The following LYRM4 variants were observed in gnomAD, a reference collection of about 807,000 sequenced individuals.
LYRM4 encodes the protein LYR motif containing 4.
A neutral mutation model predicts 11.7 loss-of-function variants in LYRM4; 9 were observed. That is an observed-to-expected ratio of 0.77 (90% confidence interval 0.46 to 1.34). The LOEUF (loss-of-function observed/expected upper bound fraction) is 1.34. LYRM4 is among the 40% of genes most tolerant of loss of function. The probability of loss-of-function intolerance (pLI) is 0.00; values close to 1 mark genes in which losing one functional copy is unlikely to be tolerated. For synonymous variants in LYRM4, 42 were observed against 40.4 expected, an observed-to-expected ratio of 1.04 and a Z score of -0.15; for missense variants, 133 against 112.5, an observed-to-expected ratio of 1.18 and a Z score of -0.82.
In LYRM4 at chr6:5,152,991, G is replaced by T. The variant is rs371681147; in HGVS notation, c.208-43500C>A. Among the ~76,000 whole-genome samples the T allele has an allele frequency of 9.8e-5, 15 of 152,336 alleles. No individual in the cohort carries two copies. The South Asian group carries it at 1.2e-3, about 13-fold the overall frequency. On this transcript the variant is annotated intron_variant, in intron 2 of 2. Coordinates refer to ENST00000330636, the MANE Select transcript of LYRM4 (RefSeq NM_020408.6). The stretch of plus-strand genomic sequence containing the variant: ...ATACTTAAGGCCGCTGGGCTTGCAG[G>T]TTCCTTAAATGAAGGCAGTACGTAC...
chr6:5,230,519 AAC>A, intron 1 of LYRM4, among the ~76,000 whole-genome samples: 1 of 152,342 alleles, frequency 6.6e-6, no homozygotes, highest in Non-Finnish European at 1.5e-5. Flanking sequence ...TAGACTACAG[AAC>A]ACAGTTTTCT....
At chr6:5,038,003 C>G in the LYRM4 span, among the ~76,000 whole-genome samples, 2 of 59,140 alleles carry the variant, frequency 3.4e-5, 1 homozygote, top group African/African-American at 9.0e-5. Flanking sequence ...CTCCTCACTT[C>G]CCAGACGGGG....
Position 5,109,332 on chromosome 6 carries a change from TTGTAAGC to T in LYRM4, c.*84_*90del. 6.3e-7 allele frequency: 1 copy of T among 1,597,786 alleles called. No individual in the cohort carries two copies. The highest frequency in any genetic ancestry group is 8.6e-7 in the Non-Finnish European group (1 of 1,168,310). On this transcript the variant is annotated 3_prime_UTR_variant, in exon 3 of 3. Coordinates refer to ENST00000330636, the MANE Select transcript of LYRM4 (RefSeq NM_020408.6). Reference sequence around the variant, plus strand: ...ACAGGACAGGCAGCGCAAAAGGCTATTGTAAGCTGGTTTTGGGAGCCCCCATCTCAAA... The same window carrying T: ...ACAGGACAGGCAGCGCAAAAGGCTATTGGTTTTGGGAGCCCCCATCTCAAA...
chr6:5,244,069 C>T (rs1223970934), intron 1 of LYRM4, among the ~76,000 whole-genome samples: 1 of 152,228 alleles, frequency 6.6e-6, no homozygotes, highest in African/African-American at 2.4e-5. Context: ...GATGGTTTGA[C>T]TTAGGATTTC....
chr6:5,176,739 G>A (rs2127672739), intron 2 of LYRM4, among the ~76,000 whole-genome samples: 1 of 152,352 alleles, frequency 6.6e-6, no homozygotes, highest in Non-Finnish European at 1.5e-5. Context: ...TTGAACACAA[G>A]GATAATGACA....
At chr6:5,099,306 G>A (rs1263602007), downstream of LYRM4, among the ~76,000 whole-genome samples, 3 of 151,446 alleles carry the variant, frequency 2.0e-5, no homozygotes, top group Admixed American at 1.3e-4. The surrounding 1 kb of genome is among the most constrained non-coding windows in gnomAD (Gnocchi z 4.3). Flanking sequence ...GGGCTCAAGC[G>A]ATCTTCCTAG....
chr6:5,247,945 T>G (rs1340618378), intron 1 of LYRM4, among the ~76,000 whole-genome samples: 3 of 152,088 alleles, frequency 2.0e-5, no homozygotes, highest in Non-Finnish European at 4.4e-5. Context: ...AAAAACTGGA[T>G]GAAAAAGAGA....
downstream of LYRM4, chr6:5,103,846 C>T (rs1021938594): frequency 2.0e-5 from 3 of 152,172 alleles, no homozygotes; most frequent in African/African-American, 7.3e-5. Flanking sequence ...CCATGTTGGC[C>T]AGGCTGGTCT....
At chr6:5,252,699 T>C (rs772483520) in intron 1 of LYRM4, among the ~76,000 whole-genome samples, 3 of 152,212 alleles carry the variant, frequency 2.0e-5, no homozygotes, top group Non-Finnish European at 4.4e-5. Context: ...TTTTGGTCAA[T>C]GAGCAAAAGC....
intron 2 of LYRM4, chr6:5,138,632 A>G (rs1156370500): frequency 9.6e-7 from 1 of 1,044,160 alleles, no homozygotes. Context: ...ATACTATGAC[A>G]TCTGTATATT....
chr6:5,147,796 TC>T (rs200109332), intron 2 of LYRM4, among the ~76,000 whole-genome samples: 228 of 93,522 alleles, frequency 2.4e-3, no homozygotes, highest in African/African-American at 6.9e-3. Context: ...ATTAGGCCCT[TC>T]TGTCTCATCG....
chr6:5,127,805 C>T (rs913685867), intron 2 of LYRM4, among the ~76,000 whole-genome samples: 2 of 152,178 alleles, frequency 1.3e-5, no homozygotes, highest in African/African-American at 4.8e-5. Flanking sequence ...ACAATGTGAT[C>T]TGTATCATCC....
the LYRM4 span, among the ~76,000 whole-genome samples, chr6:5,078,252 T>A: frequency 6.6e-6 from 1 of 151,760 alleles, no homozygotes; most frequent in African/African-American, 2.4e-5. Flanking sequence ...TTTTTTTTTT[T>A]AATCAAAAGC....
intron 1 of LYRM4, among the ~76,000 whole-genome samples, chr6:5,258,735 G>A (rs1764796286): frequency 6.6e-6 from 1 of 152,170 alleles, no homozygotes; most frequent in African/African-American, 2.4e-5. Flanking sequence ...TTTATATTTG[G>A]ATAGTAAATT....
chr6:5,136,399 T>C (rs1757099377), intron 2 of LYRM4: 1 of 985,386 alleles, frequency 1.0e-6, no homozygotes, highest in Non-Finnish European at 1.2e-6. Flanking sequence ...GACACGATAA[T>C]GTAGTACTTA....
intron 1 of LYRM4, among the ~76,000 whole-genome samples, chr6:5,257,195 G>T (rs111274727): frequency 1.3e-5 from 2 of 152,004 alleles, no homozygotes; most frequent in Non-Finnish European, 2.9e-5. Flanking sequence ...TCCTCAGCAC[G>T]GCCCCCAGGC....
At chr6:5,157,684 T>C (rs1339744395) in intron 2 of LYRM4, among the ~76,000 whole-genome samples, 1 of 150,966 alleles carries the variant, frequency 6.6e-6, no homozygotes, top group Non-Finnish European at 1.5e-5. Flanking sequence ...ACACGAAAGA[T>C]GGCTCCCAGT....
In LYRM4 at chr6:5,187,060, G is replaced by C. The variant is rs17139744; in HGVS notation, c.207+29558C>G. 1,973 of 963,920 alleles carry C rather than the reference G, an allele frequency of 2.0e-3. 26 individuals are homozygous for C. In the African/African-American group the frequency reaches 0.031, roughly 15 times the overall value. The allele number at this position is 963,920 out of a possible 1,614,324, so 59.7% of individuals were successfully genotyped here. A position where few individuals can be genotyped will look rare whatever the true frequency, so the allele number is the denominator to read the frequency against. On this transcript the variant is annotated intron_variant, in intron 2 of 2. Transcript: ENST00000330636. ...AAATGACAAACGAGGAACTGTATTT[G>C]TAACAAATCTAAGAAACAATAGAAT...
At chr6:5,101,747 C>T (rs561324013), downstream of LYRM4, among the ~76,000 whole-genome samples, 1 of 152,156 alleles carries the variant, frequency 6.6e-6, no homozygotes, top group South Asian at 2.1e-4. Context: ...CTCAGACTGT[C>T]CCATCCAGTG....
Sources: gnomAD v4.1 joint callset for allele counts (sites outside exome capture counted in the v4.1 genomes callset) on GRCh38, gnomAD v4.1.1 for gene constraint, Gnocchi (gnomAD v3.1) non-coding constraint, MANE v1.5 for transcripts, NCBI Gene and HGNC (gene_info 2026-07-23, HGNC 2026-07-21) for gene names.